PDE9A: variants seen among roughly 807,000 people sequenced by gnomAD.
PDE9A encodes phosphodiesterase 9A.
A neutral mutation model predicts 87.4 loss-of-function variants in PDE9A; 60 were observed. That is an observed-to-expected ratio of 0.69 (90% CI 0.56 to 0.85). The LOEUF (loss-of-function observed/expected upper bound fraction) is 0.85. Ranked by LOEUF, PDE9A falls within the 40% of genes least tolerant of loss-of-function variation. PDE9A has a pLI of 0.00. For missense variants in PDE9A, 665 were observed against 779.0 expected (o/e 0.85, Z 1.74); for synonymous variants, 272 against 279.4 (o/e 0.97, Z 0.27).
At chr21:42,769,709 G>C (rs961527714) in intron 17 of PDE9A, among the ~76,000 whole-genome samples, 2 of 140,822 alleles carry the variant, frequency 1.4e-5, no homozygotes, top group Admixed American at 1.4e-4. Flanking sequence ...CATGCACACA[G>C]GTACACGCAG....
At position 42,731,927 on chromosome 21, in the gene PDE9A, G is replaced by A. The variant is rs377383255; in HGVS notation, c.420G>A (p.Gln140=). The A allele has an allele frequency of 3.7e-6, 6 of 1,613,998 alleles. No homozygotes were observed. The South Asian group carries it at 6.6e-5, about 18-fold the overall frequency. ...CCAGAGAGCCCCAGGGCTGCTACCA[G>A]GAAGGCCAGCGCATCCCTCCAGGTA... ...PRPREPQGCY[Q]EGQRIPPERE... The change falls in exon 5 of 20, where the codon CAG becomes CAA. Residue 140 remains glutamine, a synonymous_variant. Coordinates refer to ENST00000291539, the MANE Select transcript of PDE9A (RefSeq NM_002606.3).
At chr21:42,700,146 A>G (rs1463991888) in intron 4 of PDE9A, among the ~76,000 whole-genome samples, 2 of 152,042 alleles carry the variant, frequency 1.3e-5, no homozygotes, top group Non-Finnish European at 2.9e-5. Context: ...GACTCAACAT[A>G]ATGTTTTTGA....
intron 1 of PDE9A, 145 bp from the exon 2 acceptor site, chr21:42,686,047 C>T: frequency 1.6e-6 from 1 of 623,194 alleles, no homozygotes; most frequent in Non-Finnish European, 2.9e-6. Context: ...AAAGATGAGC[C>T]TGTGACATTC....
intron 1 of PDE9A, among the ~76,000 whole-genome samples, chr21:42,680,140 C>G (rs2146090421): frequency 6.6e-6 from 1 of 152,368 alleles, no homozygotes; most frequent in East Asian, 1.9e-4. Flanking sequence ...CCTGCCTGTG[C>G]CTTCTCCTGA....
chr21:42,769,009 C>T lies in PDE9A; in HGVS notation c.1462-18C>T, dbSNP rs1202298796. 1 of 1,600,664 alleles carries T rather than the reference C, an allele frequency of 6.2e-7. No homozygotes were observed. The highest frequency in any genetic ancestry group is 1.7e-5 in the Admixed American group (1 of 58,988). On this transcript the variant is annotated intron_variant, in intron 16 of 19. Coordinates refer to ENST00000291539, the MANE Select transcript of PDE9A (RefSeq NM_002606.3). ...GCATTTCTGTCTCTAATGTCACTGT[C>T]TGCTGCATTCCCTGCAGAGCGACCG...
In PDE9A at chr21:42,660,268, G is replaced by A. The variant is rs569721468; in HGVS notation, c.69+6385G>A. Reference sequence around the variant, plus strand: ...TAGCTGGGCCTGCCCCAGACAAAGCGTGTCTGCACTCCTTGGCTTTCTCCC... The same window carrying A: ...TAGCTGGGCCTGCCCCAGACAAAGCATGTCTGCACTCCTTGGCTTTCTCCC... On this transcript the variant is annotated intron_variant, in intron 1 of 19. Coordinates refer to ENST00000291539, the MANE Select transcript of PDE9A (RefSeq NM_002606.3). The surrounding 1 kb of genome is among the most constrained non-coding windows in gnomAD (Gnocchi z 4.7). Among the ~76,000 whole-genome samples the A allele has an allele frequency of 4.6e-5, 7 of 152,302 alleles. No individual in the cohort carries two copies. The South Asian group carries it at 1.0e-3, about 23-fold the overall frequency.
At chr21:42,769,297 G>A (rs978142922) in intron 17 of PDE9A, 142 bp downstream of exon 17, 7 of 658,872 alleles carry the variant, frequency 1.1e-5, no homozygotes, top group East Asian at 2.9e-5. Context: ...ACACACAGAC[G>A]CACATACAGG....
chr21:42,654,000 C>T (rs2056845118), intron 1 of PDE9A, 117 bp downstream of exon 1: 2 of 464,262 alleles, frequency 4.3e-6, no homozygotes, highest in Non-Finnish European at 7.7e-6. Flanking sequence ...CCTCCGTGCG[C>T]TCCGCCAGCT....
chr21:42,688,542 G>A (rs546744455), intron 3 of PDE9A, among the ~76,000 whole-genome samples: 5 of 152,312 alleles, frequency 3.3e-5, no homozygotes, highest in African/African-American at 7.2e-5. Flanking sequence ...GCCCAGGAAG[G>A]ACGCGGAGCA....
intron 3 of PDE9A, among the ~76,000 whole-genome samples, chr21:42,693,286 A>G (rs1602095199): frequency 6.8e-6 from 1 of 147,168 alleles, no homozygotes; most frequent in African/African-American, 2.5e-5. Flanking sequence ...GCAGATTGCA[A>G]CCACCCAGGA....
chr21:42,716,820 A>G (rs2049975501), intron 4 of PDE9A, among the ~76,000 whole-genome samples: 3 of 127,816 alleles, frequency 2.3e-5, no homozygotes, highest in African/African-American at 9.1e-5. Flanking sequence ...GTGAGATCTC[A>G]GCTCACTGCA....
intron 1 of PDE9A, among the ~76,000 whole-genome samples, chr21:42,683,264 T>C (rs375512035): frequency 1.3e-5 from 2 of 152,246 alleles, no homozygotes; most frequent in South Asian, 2.1e-4. Flanking sequence ...AGGGTCTGAA[T>C]ATCATCTGAG....
intron 1 of PDE9A, among the ~76,000 whole-genome samples, chr21:42,666,542 G>T (rs559010031): frequency 7.2e-5 from 11 of 152,270 alleles, no homozygotes; most frequent in South Asian, 6.2e-4. Flanking sequence ...AGGCCCGGCG[G>T]CCTCCACAGC....
chr21:42,748,366 T>C (rs1040622919), intron 8 of PDE9A, among the ~76,000 whole-genome samples: 3 of 152,212 alleles, frequency 2.0e-5, no homozygotes, highest in Non-Finnish European at 4.4e-5. Context: ...CGTTCCCCCT[T>C]ACACATCAAA....
At chr21:42,764,256 CATT>C (rs2056132569) in intron 14 of PDE9A, among the ~76,000 whole-genome samples, 1 of 152,224 alleles carries the variant, frequency 6.6e-6, no homozygotes, top group African/African-American at 2.4e-5. Context: ...AATTTACAGT[CATT>C]ATTGAATCAC....
At chr21:42,662,022 A>C (rs976382631) in intron 1 of PDE9A, among the ~76,000 whole-genome samples, 1 of 151,942 alleles carries the variant, frequency 6.6e-6, no homozygotes, top group Non-Finnish European at 1.5e-5. Context: ...CAAGTCATTC[A>C]CCCTCTCTGT....
intron 4 of PDE9A, among the ~76,000 whole-genome samples, chr21:42,712,958 T>C (rs558086177): frequency 1.7e-3 from 262 of 152,308 alleles, no homozygotes; most frequent in Middle Eastern, 3.4e-3. Flanking sequence ...TTAAAACCAC[T>C]TTGCTTTCCT....
Position 42,675,136 on chromosome 21 carries a change from T to G in PDE9A, c.70-11056T>G, listed in dbSNP as rs1306538300. 6.6e-6 allele frequency among the ~76,000 whole-genome samples: 1 copy of G among 152,080 alleles called. No individual in the cohort carries two copies. The highest frequency in any genetic ancestry group is 1.5e-5 in the Non-Finnish European group (1 of 68,022). The stretch of plus-strand genomic sequence containing the variant: ...GTGCGTGTAAGTGTGTGTCTGGCTT[T>G]CTTTCACATAATTTTGTGTCCTGAT... On this transcript the variant is annotated intron_variant, in intron 1 of 19. Coordinates refer to ENST00000291539, the MANE Select transcript of PDE9A (RefSeq NM_002606.3). The surrounding 1 kb of genome is among the most constrained non-coding windows in gnomAD (Gnocchi z 4.3).
In PDE9A at chr21:42,692,941, G is replaced by T. The variant is rs955921771; in HGVS notation, c.218+4947G>T. Among the ~76,000 whole-genome samples the T allele has an allele frequency of 6.6e-6, 1 of 152,186 alleles. No homozygotes were observed. Among genetic ancestry groups the T allele is most frequent in the Admixed American group, 6.5e-5 (1 of 15,288 alleles). ...ACCGTTTCTCTCCCGCCCCCCGGCCGCATGCTGCAGCCATTCCCTCACCAC... is the reference window on the plus strand; with the variant it reads ...ACCGTTTCTCTCCCGCCCCCCGGCCTCATGCTGCAGCCATTCCCTCACCAC... On this transcript the variant is annotated intron_variant, in intron 3 of 19. Coordinates refer to ENST00000291539, the MANE Select transcript of PDE9A (RefSeq NM_002606.3). This position sits in a 1 kb window ranked among gnomAD's most constrained non-coding sequence, Gnocchi z 4.3.
Sources: allele counts gnomAD v4.1 joint callset (sites outside exome capture counted in the v4.1 genomes callset), GRCh38; gene constraint gnomAD v4.1.1; non-coding constraint Gnocchi (gnomAD v3.1); transcripts MANE v1.5; gene names NCBI Gene and HGNC (gene_info 2026-07-23, HGNC 2026-07-21).